The following KCNB2 variants were observed in gnomAD, a reference collection of about 807,000 sequenced individuals.
KCNB2 encodes the protein potassium voltage-gated channel subfamily B member 2.
A neutral mutation model predicts 61.5 loss-of-function variants in KCNB2; 15 were observed. That is an observed-to-expected ratio of 0.24 (90% CI 0.16 to 0.38). KCNB2 has a LOEUF of 0.38. Among genes scored for constraint, KCNB2 ranks in the 10% least tolerant of loss-of-function variants. KCNB2 has a pLI of 1.00. For synonymous variants in KCNB2, 457 were observed against 446.0 expected, an observed-to-expected ratio of 1.02 and a Z score of -0.31; for missense variants, 828 against 1,125.2, an observed-to-expected ratio of 0.74 and a Z score of 3.78.
At chr8:72,574,651 C>G (rs556576966) in intron 2 of KCNB2, among the ~76,000 whole-genome samples, 5 of 152,214 alleles carry the variant, frequency 3.3e-5, no homozygotes, top group East Asian at 1.9e-4. Context: ...ACATCAGATT[C>G]TTTTCAAGCT....
intron 2 of KCNB2, among the ~76,000 whole-genome samples, chr8:72,695,250 G>A (rs900278895): frequency 6.6e-6 from 1 of 152,090 alleles, no homozygotes; most frequent in Non-Finnish European, 1.5e-5. Context: ...CCTCCAGTTT[G>A]GGAAGGAAAT....
chr8:72,638,458 A>G (rs1229894528), intron 2 of KCNB2, among the ~76,000 whole-genome samples: 1 of 152,166 alleles, frequency 6.6e-6, no homozygotes, highest in African/African-American at 2.4e-5. Context: ...CTCTCTAAAA[A>G]TAACTACATG....
intron 2 of KCNB2, among the ~76,000 whole-genome samples, chr8:72,806,297 G>T (rs1254460603): frequency 6.6e-6 from 1 of 150,848 alleles, no homozygotes. Context: ...GGCGGAGGTT[G>T]CAGTGAGCTG....
chr8:72,931,839 G>A (rs1392000725), intron 2 of KCNB2, among the ~76,000 whole-genome samples: 1 of 151,974 alleles, frequency 6.6e-6, no homozygotes, highest in Non-Finnish European at 1.5e-5. Flanking sequence ...GTGGTGAAAC[G>A]CTGTCGCTAC....
intron 2 of KCNB2, among the ~76,000 whole-genome samples, chr8:72,925,028 T>C (rs1391354180): frequency 1.3e-5 from 2 of 152,214 alleles, no homozygotes; most frequent in Non-Finnish European, 2.9e-5. Context: ...TTGTGTAATG[T>C]GGTCTTAATG....
chr8:72,818,475 C>G (rs1809441295), intron 2 of KCNB2, among the ~76,000 whole-genome samples: 1 of 152,092 alleles, frequency 6.6e-6, no homozygotes. Context: ...CTAGGGCTCC[C>G]CTGGAAAATG....
At chr8:72,826,074 G>A (rs532878700) in intron 2 of KCNB2, among the ~76,000 whole-genome samples, 16 of 152,146 alleles carry the variant, frequency 1.1e-4, no homozygotes, top group African/African-American at 3.9e-4. Context: ...TTTATAAATG[G>A]TATAACGTAT....
chr8:72,613,163 G>A (rs1322059890), intron 2 of KCNB2, among the ~76,000 whole-genome samples: 1 of 152,030 alleles, frequency 6.6e-6, no homozygotes, highest in Non-Finnish European at 1.5e-5. Context: ...GCCAGAGAGA[G>A]TAAATCTGAA....
At chr8:72,588,732 A>G (rs1807040620) in intron 2 of KCNB2, among the ~76,000 whole-genome samples, 2 of 125,240 alleles carry the variant, frequency 1.6e-5, no homozygotes, top group African/African-American at 5.5e-5. Flanking sequence ...TGTCTCTACA[A>G]TAAAAAATAA....
intron 2 of KCNB2, among the ~76,000 whole-genome samples, chr8:72,731,704 C>G: frequency 6.6e-6 from 1 of 152,212 alleles, no homozygotes; most frequent in East Asian, 1.9e-4. Context: ...AAGGCCACTC[C>G]TCTCAGGACA....
intron 2 of KCNB2, among the ~76,000 whole-genome samples, chr8:72,814,621 A>G (rs1241111492): frequency 6.6e-6 from 1 of 152,224 alleles, no homozygotes; most frequent in Non-Finnish European, 1.5e-5. Flanking sequence ...AAAGAAAAAT[A>G]ACAGAAAGTT....
intron 2 of KCNB2, among the ~76,000 whole-genome samples, chr8:72,691,700 C>A (rs1345297420): frequency 6.6e-6 from 1 of 152,188 alleles, no homozygotes; most frequent in Non-Finnish European, 1.5e-5. Flanking sequence ...AATGCAGCTT[C>A]ATTGTCATGG....
intron 2 of KCNB2, among the ~76,000 whole-genome samples, chr8:72,851,840 A>AAAAAAAAAAAAAAAAAAAAAAACAAAAC (rs1554538995): frequency 7.4e-6 from 1 of 134,462 alleles, no homozygotes; most frequent in Admixed American, 7.5e-5. Flanking sequence ...AAAAAAAAAA[A>AAAAAAAAAAAAAAAAAAAAAAACAAAAC]AAAAAAAACA....
chr8:72,739,265 A>G (rs1374051227), intron 2 of KCNB2, among the ~76,000 whole-genome samples: 1 of 151,924 alleles, frequency 6.6e-6, no homozygotes, highest in Admixed American at 6.6e-5. Context: ...AATTCATTTA[A>G]TAAATATTTA....
intron 2 of KCNB2, among the ~76,000 whole-genome samples, chr8:72,682,934 G>A (rs910012605): frequency 2.0e-5 from 3 of 152,100 alleles, no homozygotes; most frequent in Admixed American, 1.3e-4. Flanking sequence ...TGTCACCTAG[G>A]CAACTTTGAT....
At chr8:72,803,869 G>T (rs1809168304) in intron 2 of KCNB2, among the ~76,000 whole-genome samples, 1 of 152,198 alleles carries the variant, frequency 6.6e-6, no homozygotes, top group African/African-American at 2.4e-5. Context: ...AGGAAGAGGT[G>T]AGTAGGCCTG....
In KCNB2 at chr8:72,937,488, G is replaced by C; in HGVS notation, c.2133G>C (p.Lys711Asn). ...KSSLKGSNPL[K>N]SRSLKVNFKE... is the part of the protein sequence containing the mutation. ...CTCTAAAAGGCAGCAACCCACTAAA[G>C]TCCAGATCCCTCAAAGTGAACTTTA... Residue 711 changes from lysine to asparagine, a missense_variant, in exon 3 of 3, where the codon AAG becomes AAC. Lys to Asn is a moderately conservative substitution (Grantham distance 94). Transcript: ENST00000523207. The C allele has an allele frequency of 6.2e-7, 1 of 1,613,794 alleles. No individual in the cohort carries two copies. Among genetic ancestry groups the C allele is most frequent in the Admixed American group, 1.7e-5 (1 of 59,984 alleles).
chr8:72,640,915 T>A (rs1806045255), intron 2 of KCNB2, among the ~76,000 whole-genome samples: 2 of 152,058 alleles, frequency 1.3e-5, no homozygotes, highest in South Asian at 4.1e-4. Flanking sequence ...TAAAAGAAGT[T>A]GGTCTTCAGT....
At chr8:72,809,410 A>G (rs1414268717) in intron 2 of KCNB2, among the ~76,000 whole-genome samples, 1 of 152,220 alleles carries the variant, frequency 6.6e-6, no homozygotes, top group East Asian at 1.9e-4. Flanking sequence ...AACTTTAATT[A>G]AAACACACAA....
Sources: allele counts gnomAD v4.1 joint callset (sites outside exome capture counted in the v4.1 genomes callset), GRCh38; gene constraint gnomAD v4.1.1; transcripts MANE v1.5; gene names NCBI Gene and HGNC (gene_info 2026-07-23, HGNC 2026-07-21).